The following AQR variants were observed in gnomAD, a reference collection of about 807,000 sequenced individuals.
AQR encodes aquarius intron-binding spliceosomal factor.
Under a neutral mutation model 180.5 loss-of-function variants are expected in AQR, and 61 were observed. The observed-to-expected ratio is 0.34, with a 90% CI of 0.28 to 0.42. The LOEUF is 0.42. AQR is among the 10% of genes least tolerant of loss of function. The pLI, the probability that AQR is intolerant of heterozygous loss-of-function variation, is 1.00. For missense variants in AQR, 1,281 were observed against 1,798.3 expected (o/e 0.71, Z 5.20); for synonymous variants, 551 against 588.8 (o/e 0.94, Z 0.93).
At position 34,897,673 on chromosome 15, in the gene AQR, T is replaced by C. The variant is rs1339513296; in HGVS notation, c.2276A>G (p.Lys759Arg). The C allele has an allele frequency of 5.0e-6, 8 of 1,614,054 alleles. No homozygotes were observed. The highest frequency in any genetic ancestry group is 1.1e-5 in the South Asian group (1 of 91,056). The change falls in exon 21 of 35, where the codon AAG becomes AGG. Residue 759 changes from lysine to arginine, a missense_variant. By Grantham distance (26) the Lys-to-Arg change is conservative (BLOSUM62 2). Coordinates refer to ENST00000156471, the MANE Select transcript of AQR (RefSeq NM_014691.3). ...TTCCACATCCGCATCTTTCCTTTTC[T>C]TCCCTTTTCCACTTCTTACTGGAAA... The part of the protein sequence containing the change: ...ITFPVRSGKG[K>R]KRKDADVEDE...
At chr15:34,926,642 C>T (rs1019707925) in intron 13 of AQR, among the ~76,000 whole-genome samples, 1 of 152,194 alleles carries the variant, frequency 6.6e-6, no homozygotes, top group East Asian at 1.9e-4. Flanking sequence ...AGATAGCTAA[C>T]TGCCAGAGGA....
chr15:34,875,139 A>C (rs1892873103), intron 28 of AQR, among the ~76,000 whole-genome samples: 1 of 152,168 alleles, frequency 6.6e-6, no homozygotes, highest in South Asian at 2.1e-4. Flanking sequence ...GGTAATCCAA[A>C]GAAGGCTGGA....
intron 20 of AQR, among the ~76,000 whole-genome samples, chr15:34,898,087 C>T (rs573317842): frequency 1.6e-4 from 24 of 152,198 alleles, no homozygotes; most frequent in African/African-American, 5.1e-4. Context: ...GAAGAGAAGA[C>T]ATTCCTGGAA....
intron 1 of AQR, among the ~76,000 whole-genome samples, 160 bp downstream of exon 1, chr15:34,969,379 G>A (rs2050331556): frequency 6.6e-6 from 1 of 152,128 alleles, no homozygotes; most frequent in African/African-American, 2.4e-5. Flanking sequence ...TAGCATAGTG[G>A]CCGGCACGGA....
At chr15:34,935,799 CATACAT>C (rs1893935593) in intron 9 of AQR, among the ~76,000 whole-genome samples, 1 of 152,150 alleles carries the variant, frequency 6.6e-6, no homozygotes, top group Non-Finnish European at 1.5e-5. Flanking sequence ...TTTTCTGAGA[CATACAT>C]ATACAGTCAT....
chr15:34,874,549 A>G, intron 29 of AQR, 128 bp downstream of exon 29: 2 of 1,122,368 alleles, frequency 1.8e-6, no homozygotes, highest in Non-Finnish European at 2.5e-6. Context: ...GTGCTTTTGG[A>G]TTTATGGATA....
chr15:34,934,421 T>G (rs1418301899), intron 10 of AQR, 150 bp downstream of exon 10: 1 of 317,392 alleles, frequency 3.2e-6, no homozygotes, highest in Non-Finnish European at 5.6e-6. Flanking sequence ...TTCCTTTCTC[T>G]CATTAATGTG....
In AQR at chr15:34,948,364, A is replaced by G; in HGVS notation, c.230T>C (p.Leu77Pro). ...TACCTCAGGAGAATAATTCATCCAG[A>G]GATAATTTTCAAGATACTGGCTGTA... ...LEFSQYLENY[L>P]WMNYSPEVSS... The change falls in exon 5 of 35, where the codon CTC becomes CCC. Residue 77 changes from leucine to proline, a missense_variant. Leu to Pro is a moderately conservative substitution (Grantham distance 98). Coordinates refer to ENST00000156471, the MANE Select transcript of AQR (RefSeq NM_014691.3). 6 of 1,612,870 alleles carry G rather than the reference A, an allele frequency of 3.7e-6. No individual in the cohort carries two copies. The highest frequency in any genetic ancestry group is 5.1e-6 in the Non-Finnish European group (6 of 1,179,904).
At chr15:34,939,588 ACTT>A (rs1893994365) in intron 8 of AQR, among the ~76,000 whole-genome samples, 1 of 152,236 alleles carries the variant, frequency 6.6e-6, no homozygotes, top group Non-Finnish European at 1.5e-5. Flanking sequence ...ATTCATTACT[ACTT>A]TAAGATATAT....
intron 25 of AQR, 33 bp from the exon 26 acceptor site, chr15:34,884,767 G>C: frequency 6.8e-7 from 1 of 1,474,750 alleles, no homozygotes; most frequent in African/African-American, 1.4e-5. Flanking sequence ...TTAACTGCCA[G>C]CTAATTATGA....
rs552636737 is a variant in AQR, at chr15:34,948,725, G to A, written c.210-341C>T. On this transcript the variant is annotated intron_variant, in intron 4 of 34. Transcript: ENST00000156471. Reference sequence around the variant, plus strand: ...TGAGGCAGGAGAATCACTTGAACCCGGGAAGAAGATGCAGTGAGCTGAGAT... The same window carrying A: ...TGAGGCAGGAGAATCACTTGAACCCAGGAAGAAGATGCAGTGAGCTGAGAT... Among the ~76,000 whole-genome samples the A allele has an allele frequency of 1.3e-4, 20 of 151,488 alleles. No individual in the cohort carries two copies. The South Asian group carries it at 2.5e-3, about 19-fold the overall frequency.
chr15:34,934,657 T>A, intron 9 of AQR, 22 bp from the exon 10 acceptor site: 1 of 1,504,658 alleles, frequency 6.6e-7, no homozygotes, highest in South Asian at 1.4e-5. Flanking sequence ...AGAGAACGCA[T>A]GATAGAATTT....
intron 5 of AQR, among the ~76,000 whole-genome samples, chr15:34,947,390 C>T (rs1215389528): frequency 6.7e-6 from 1 of 150,014 alleles, no homozygotes; most frequent in Non-Finnish European, 1.5e-5. Context: ...CCACAGGGTC[C>T]TCTGCCTAGG....
chr15:34,961,053 G>A (rs773490781), intron 2 of AQR, among the ~76,000 whole-genome samples: 9 of 152,122 alleles, frequency 5.9e-5, no homozygotes, highest in Non-Finnish European at 1.0e-4. Context: ...TCATTAAAAT[G>A]ATGTGCTTAT....
intron 16 of AQR, among the ~76,000 whole-genome samples, chr15:34,911,455 T>C (rs918575131): frequency 1.3e-5 from 2 of 152,224 alleles, no homozygotes; most frequent in African/African-American, 4.8e-5. Context: ...CAAACACTTG[T>C]TATCTTTTGA....
rs934192507 is a variant in AQR, at chr15:34,874,875, A to G, written c.3238-11T>C. 2 of 1,610,742 alleles carry G rather than the reference A, an allele frequency of 1.2e-6. No individual in the cohort carries two copies. Among genetic ancestry groups the G allele is most frequent in the African/African-American group, 2.7e-5 (2 of 74,600 alleles). On this transcript the variant is annotated splice_polypyrimidine_tract_variant and intron_variant, in intron 28 of 34. Transcript: ENST00000156471. ...TCCATCCTGAGGATTCTAGAAATGA[A>G]AAGTAAGGAAATGGCAAAATACTCT...
chr15:34,955,700 G>C (rs913943450), intron 3 of AQR, among the ~76,000 whole-genome samples: 1 of 152,156 alleles, frequency 6.6e-6, no homozygotes, highest in Non-Finnish European at 1.5e-5. Context: ...CTGAGGTCAG[G>C]AGTTAGAGAC....
chr15:34,893,462 T>G (rs929391328), intron 23 of AQR, among the ~76,000 whole-genome samples: 2 of 151,984 alleles, frequency 1.3e-5, no homozygotes, highest in Non-Finnish European at 2.9e-5. Flanking sequence ...CATGCCAGAA[T>G]ATATTAGGGA....
At chr15:34,890,079 T>C (rs1893120458) in intron 24 of AQR, 136 bp downstream of exon 24, 6 of 681,560 alleles carry the variant, frequency 8.8e-6, no homozygotes, top group Non-Finnish European at 1.4e-5. Context: ...TAGCTCAACA[T>C]ATAGTCTTAG....
Sources: gnomAD v4.1 joint callset for allele counts (sites outside exome capture counted in the v4.1 genomes callset) on GRCh38, gnomAD v4.1.1 for gene constraint, MANE v1.5 for transcripts, NCBI Gene and HGNC (gene_info 2026-07-23, HGNC 2026-07-21) for gene names.